ADPRHL1: variants seen among roughly 807,000 people sequenced by gnomAD.
ADPRHL1 encodes inactive ADP-ribosyltransferase ARH2.
A neutral mutation model predicts 44.1 loss-of-function variants in ADPRHL1; 43 were observed. The observed-to-expected ratio is 0.98, with a 90% CI of 0.76 to 1.26. The LOEUF is 1.26. ADPRHL1 is among the 50% of genes most tolerant of loss of function. The probability of loss-of-function intolerance (pLI) is 0.00; values close to 1 mark genes in which losing one functional copy is unlikely to be tolerated. For synonymous variants in ADPRHL1, 878 were observed against 1,017.4 expected (o/e 0.86, Z 2.61); for missense variants, 2,022 against 2,496.9 (o/e 0.81, Z 4.05).
Position 113,409,997 on chromosome 13 carries a change from G to C in ADPRHL1, c.1062-1777C>G. 1 of 985,336 alleles carries C rather than the reference G, an allele frequency of 1.0e-6. No individual in the cohort carries two copies. Among genetic ancestry groups the C allele is most frequent in the Non-Finnish European group, 1.2e-6 (1 of 829,918 alleles). The allele number at this position is 985,336 out of a possible 1,614,324, so 61.0% of individuals were successfully genotyped here. ...TGTTTGTCTGCATTTTTCCAAAAGA[G>C]AGAGCTCTGTTTTGAAGCCATGGAT... is the stretch of plus-strand genomic sequence containing the variant. On this transcript the variant is annotated intron_variant, in intron 7 of 7. Coordinates refer to ENST00000612156, the MANE Select transcript of ADPRHL1 (RefSeq NM_001394807.1). The surrounding 1 kb of genome is among the most constrained non-coding windows in gnomAD (Gnocchi z 4.2).
Position 113,430,398 on chromosome 13 carries a change from C to T in ADPRHL1, c.506-1306G>A, listed in dbSNP as rs532706264. ...GCCATCGTGGGGACTGCAGCCGCTG[C>T]GGGTCAGTAGTGGCAGGAGGCGAAG... On this transcript the variant is annotated intron_variant, in intron 3 of 7. Coordinates refer to ENST00000612156, the MANE Select transcript of ADPRHL1 (RefSeq NM_001394807.1). Among the ~76,000 whole-genome samples, 4 of 152,282 alleles carry T rather than the reference C, an allele frequency of 2.6e-5. No individual in the cohort carries two copies. The South Asian group carries it at 6.2e-4, about 24-fold the overall frequency.
Position 113,407,436 on chromosome 13 carries a change from C to T in ADPRHL1, c.1846G>A (p.Glu616Lys), listed in dbSNP as rs1255273780. Residue 616 changes from glutamate (E) to lysine (K), a missense_variant, in exon 8 of 8, where the codon GAG becomes AAG. Around this residue, in one of 8 missense-constraint regions of ADPRHL1, gnomAD observed 1,221 missense variants for 1,517.8 expected, o/e 0.80. Coordinates refer to ENST00000612156, the MANE Select transcript of ADPRHL1 (RefSeq NM_001394807.1). ...PPARFLACTA[E>K]PLPALSIATV... ...GCGATGCTGAGGGCCGGCAGGGGCT[C>T]AGCCGTGCAGGCCAGAAAGCGGGCA... The T allele has an allele frequency of 2.4e-6, 3 of 1,231,878 alleles. No homozygotes were observed. The highest frequency in any genetic ancestry group is 3.0e-6 in the Non-Finnish European group (3 of 988,004). 76.3% of individuals were successfully genotyped at this position (1,231,878 alleles called of 1,614,324 possible). A position where few individuals can be genotyped will look rare whatever the true frequency, so the allele number is the denominator to read the frequency against.
At chr13:113,450,499 G>A (rs569476931) in intron 1 of ADPRHL1, among the ~76,000 whole-genome samples, 6 of 152,208 alleles carry the variant, frequency 3.9e-5, no homozygotes, top group East Asian at 1.9e-4. Flanking sequence ...ACCAATGCAC[G>A]GAGACCGGTA....
Position 113,400,823 on chromosome 13 carries a change from A to T in ADPRHL1, c.*2555T>A, listed in dbSNP as rs2043755614. The T allele has an allele frequency of 6.6e-6, 1 of 151,994 alleles. No homozygotes were observed. The highest frequency in any genetic ancestry group is 1.5e-5 in the Non-Finnish European group (1 of 67,994). The allele number at this position is 151,994 out of a possible 1,614,324, so 9.4% of individuals were successfully genotyped here. A position where few individuals can be genotyped will look rare whatever the true frequency, so the allele number is the denominator to read the frequency against. ...CAGGTGGCCTCCTGGCCGCTCACAGACTCTGCGCCCGCCAGACTGTGAGAG... is the reference window on the plus strand; with the variant it reads ...CAGGTGGCCTCCTGGCCGCTCACAGTCTCTGCGCCCGCCAGACTGTGAGAG... On this transcript the variant is annotated 3_prime_UTR_variant, in exon 8 of 8. Transcript: ENST00000612156.
rs749147710 is a variant in ADPRHL1, at chr13:113,422,927, G to A, written c.960C>T (p.Tyr320=). The change falls in exon 7 of 8, where the codon TAC becomes TAT. Residue 320 remains tyrosine, a synonymous_variant. Transcript: ENST00000612156. The part of the protein sequence containing the change: ...TIAGCLFGLL[Y]GLDLVPKGLY... ...AGCCTTTGGGAACGAGGTCCAGGCCGTACAGCAACCCGAACAGGCAGCCTG... is the reference window on the plus strand; with the variant it reads ...AGCCTTTGGGAACGAGGTCCAGGCCATACAGCAACCCGAACAGGCAGCCTG... 20 of 1,612,942 alleles carry A rather than the reference G, an allele frequency of 1.2e-5. No homozygotes were observed. Among genetic ancestry groups the A allele is most frequent in the South Asian group, 3.3e-5 (3 of 91,084 alleles).
In ADPRHL1 at chr13:113,407,047, G is replaced by T. The variant is rs1273477066; in HGVS notation, c.2235C>A (p.Asp745Glu). The change falls in exon 8 of 8, where the codon GAC (aspartate) becomes GAA (glutamate). Residue 745 changes from aspartate (D) to glutamate (E), a missense_variant. By Grantham distance (45) the Asp-to-Glu change is conservative. Transcript: ENST00000612156. The part of the protein sequence containing the change: ...TGSAGGDGTA[D>E]PTAESTAGGV... Reference sequence around the variant, plus strand: ...CTCCTGCGGTGCTCTCTGCGGTGGGGTCTGCAGTCCCATCACCTCCGGCTG... The same window carrying T: ...CTCCTGCGGTGCTCTCTGCGGTGGGTTCTGCAGTCCCATCACCTCCGGCTG... 2.4e-6 allele frequency: 3 copies of T among 1,232,124 alleles called. No individual in the cohort carries two copies. The South Asian group carries it at 1.2e-4, about 51-fold the overall frequency. The allele number at this position is 1,232,124 out of a possible 1,614,324, so 76.3% of individuals were successfully genotyped here.
intron 7 of ADPRHL1, among the ~76,000 whole-genome samples, chr13:113,411,431 A>G (rs899817455): frequency 2.0e-5 from 3 of 152,178 alleles, no homozygotes; most frequent in Admixed American, 2.0e-4. Flanking sequence ...TATGAGTCAT[A>G]GTGGCTCAAA....
intron 7 of ADPRHL1, among the ~76,000 whole-genome samples, chr13:113,417,361 G>C (rs987672289): frequency 2.6e-5 from 4 of 152,254 alleles, no homozygotes; most frequent in African/African-American, 9.6e-5. Context: ...GGAGGATGGG[G>C]AAGGCAGGGA....
chr13:113,421,616 A>G (rs4907640), intron 7 of ADPRHL1, among the ~76,000 whole-genome samples: 145,077 of 152,230 alleles, frequency 0.95, 69,251 homozygotes, highest in Non-Finnish European at 0.99. Flanking sequence ...GACCCAATGC[A>G]CCTGGGAGCT....
chr13:113,450,438 CACAAG>C (rs1324238982), intron 1 of ADPRHL1, among the ~76,000 whole-genome samples: 2 of 152,104 alleles, frequency 1.3e-5, no homozygotes, highest in African/African-American at 2.4e-5. Context: ...GAAATAAAGA[CACAAG>C]ACAAGAGATA....
chr13:113,434,564 G>T (rs1171359830), intron 2 of ADPRHL1, among the ~76,000 whole-genome samples: 29 of 141,860 alleles, frequency 2.0e-4, no homozygotes, highest in African/African-American at 4.3e-4. Flanking sequence ...GCACCCAGGT[G>T]TAGAGTGAAC....
rs1216921325 is a variant in ADPRHL1 at position 113,441,664 on chromosome 13, TC to T, written c.379+2760del. On this transcript the variant is annotated intron_variant, in intron 2 of 7. Coordinates refer to ENST00000612156, the MANE Select transcript of ADPRHL1 (RefSeq NM_001394807.1). This position sits in a 1 kb window ranked among gnomAD's most constrained non-coding sequence, Gnocchi z 6.0. ...AACATGTTTTAAAATCTTACACATTTCCCCATACAGTTACCATTTCTGTAAC... is the reference window on the plus strand; with the variant it reads ...AACATGTTTTAAAATCTTACACATTTCCCATACAGTTACCATTTCTGTAAC... 5.3e-5 allele frequency among the ~76,000 whole-genome samples: 8 copies of T among 152,254 alleles called. No homozygotes were observed. In the East Asian group the frequency reaches 1.5e-3, roughly 29 times the overall value.
At position 113,441,585 on chromosome 13, in the gene ADPRHL1, A is replaced by T. The variant is rs2044098848; in HGVS notation, c.379+2840T>A. Among the ~76,000 whole-genome samples the T allele has an allele frequency of 6.6e-6, 1 of 152,194 alleles. No individual in the cohort carries two copies. The highest frequency in any genetic ancestry group is 2.4e-5 in the African/African-American group (1 of 41,444). On this transcript the variant is annotated intron_variant, in intron 2 of 7. Transcript: ENST00000612156. This position sits in a 1 kb window ranked among gnomAD's most constrained non-coding sequence, Gnocchi z 6.0. The stretch of plus-strand genomic sequence containing the variant: ...TGTACATTCTACTTATATTTTATAA[A>T]CCATACCGTTCATTATTATTTTTAA...
chr13:113,446,967 C>G (rs1375500849), intron 1 of ADPRHL1, among the ~76,000 whole-genome samples: 2 of 142,612 alleles, frequency 1.4e-5, no homozygotes, highest in Non-Finnish European at 3.0e-5. Context: ...GTTGTGTGTG[C>G]ATGGTGTCTA....
chr13:113,400,290 C>T lies in ADPRHL1; in HGVS notation c.*3088G>A, dbSNP rs1450978144. ...GCTCCCGAGTAGCTGGGACTACAGG[C>T]ACCCACCACCACGCCCGGCTAATTT... On this transcript the variant is annotated 3_prime_UTR_variant, in exon 8 of 8. Coordinates refer to ENST00000612156, the MANE Select transcript of ADPRHL1 (RefSeq NM_001394807.1). 73 of 150,184 alleles carry T rather than the reference C, an allele frequency of 4.9e-4. 1 individual carries two copies. Among genetic ancestry groups the T allele is most frequent in the African/African-American group, 1.8e-3 (72 of 41,036 alleles). 9.3% of individuals were successfully genotyped at this position (150,184 alleles called of 1,614,324 possible). A position where few individuals can be genotyped will look rare whatever the true frequency, so the allele number is the denominator to read the frequency against.
chr13:113,444,830 G>A (rs571371329), intron 1 of ADPRHL1, among the ~76,000 whole-genome samples: 5,800 of 151,838 alleles, frequency 0.038, 348 homozygotes, highest in African/African-American at 0.13. Context: ...TCACCATGTC[G>A]GCCAGGATGG....
At chr13:113,445,237 C>T (rs1423269183) in intron 1 of ADPRHL1, among the ~76,000 whole-genome samples, 4 of 152,282 alleles carry the variant, frequency 2.6e-5, no homozygotes, top group Non-Finnish European at 5.9e-5. Context: ...CCTCCCACAG[C>T]AAGGGCTAGT....
rs1406680921 is a variant in ADPRHL1 at position 113,405,824 on chromosome 13, C to G, written c.3458G>C (p.Arg1153Thr). ...TCTGGGGTGGCTTTCGGACAAGGCT[C>G]TGCTTCCCCACTGGCCCAGCGTCTC... ...EPETLGQWGS[R>T]ALSESHPRGE... Residue 1153 changes from arginine to threonine, a missense_variant, in exon 8 of 8, where the codon AGA (arginine) becomes ACA (threonine). This residue lies in a region of ADPRHL1 where 1,221 missense variants were observed against 1,517.8 expected (regional missense o/e 0.80). Coordinates refer to ENST00000612156, the MANE Select transcript of ADPRHL1 (RefSeq NM_001394807.1). 2.2e-5 allele frequency: 27 copies of G among 1,231,864 alleles called. No homozygotes were observed. The Admixed American group carries it at 2.9e-4, about 13-fold the overall frequency. The allele number at this position is 1,231,864 out of a possible 1,614,324, so 76.3% of individuals were successfully genotyped here. A position where few individuals can be genotyped will look rare whatever the true frequency, so the allele number is the denominator to read the frequency against.
intron 1 of ADPRHL1, among the ~76,000 whole-genome samples, chr13:113,448,414 C>A (rs113013291): frequency 7.2e-6 from 1 of 138,728 alleles, no homozygotes. Context: ...TGCAGTGAGC[C>A]GAGATCGCGC....
Sources: allele counts gnomAD v4.1 joint callset (sites outside exome capture counted in the v4.1 genomes callset), GRCh38; gene constraint gnomAD v4.1.1; regional missense constraint gnomAD v4.1.1; non-coding constraint Gnocchi (gnomAD v3.1); transcripts MANE v1.5; gene names NCBI Gene and HGNC (gene_info 2026-07-23, HGNC 2026-07-21).